Variants in AMOTL1 observed in about 807,000 individuals in gnomAD.
The protein encoded by AMOTL1 is angiomotin like 1.
A neutral mutation model predicts 102.9 loss-of-function variants in AMOTL1; 45 were observed. The observed-to-expected ratio is 0.44, with a 90% confidence interval of 0.34 to 0.56. The LOEUF is 0.56. Ranked by LOEUF, AMOTL1 falls within the 20% of genes least tolerant of loss-of-function variation. The pLI, the probability that AMOTL1 is intolerant of heterozygous loss-of-function variation, is 0.01. For synonymous variants in AMOTL1, 481 were observed against 484.7 expected (o/e 0.99, Z 0.10); for missense variants, 1,114 against 1,225.6 (o/e 0.91, Z 1.36).
intron 3 of AMOTL1, chr11:94,741,115 A>C (rs1302353151): frequency 1.9e-5 from 14 of 740,808 alleles, no homozygotes; most frequent in Admixed American, 4.9e-5. Flanking sequence ...GGAAAGGGTC[A>C]GGGGACACCT....
chr11:94,756,012 G>A (rs1426745413), intron 3 of AMOTL1, among the ~76,000 whole-genome samples: 1 of 152,150 alleles, frequency 6.6e-6, no homozygotes, highest in Admixed American at 6.5e-5. Flanking sequence ...GAATGAGGTG[G>A]ACGGGAAACC....
chr11:94,830,097 C>G lies in AMOTL1; in HGVS notation c.1461C>G (p.Val487=), dbSNP rs1435557052. 2 of 1,609,244 alleles carry G rather than the reference C, an allele frequency of 1.2e-6. No individual in the cohort carries two copies. Among genetic ancestry groups the G allele is most frequent in the Non-Finnish European group, 1.7e-6 (2 of 1,177,794 alleles). The part of the protein sequence containing the change: ...QRISEAYESL[V]KSTTKRESLD... ...TTTCGGAAGCCTATGAAAGTCTGGT[C>G]AAGTCTACCACCAAGCGAGAATCGC... The change falls in exon 5 of 13, where the codon GTC becomes GTG. Residue 487 remains valine (V), a synonymous_variant. Transcript: ENST00000433060.
intron 3 of AMOTL1, among the ~76,000 whole-genome samples, chr11:94,812,395 T>G (rs1951698180): frequency 6.6e-6 from 1 of 152,208 alleles, no homozygotes; most frequent in Non-Finnish European, 1.5e-5. Flanking sequence ...TTGCATTATT[T>G]AGAGTCTCTG....
intron 2 of AMOTL1, among the ~76,000 whole-genome samples, chr11:94,734,177 C>T (rs1950400603): frequency 6.6e-6 from 1 of 152,128 alleles, no homozygotes; most frequent in Admixed American, 6.6e-5. Flanking sequence ...ATCTCTTGGT[C>T]GCTGGCCTTG....
intron 6 of AMOTL1, among the ~76,000 whole-genome samples, chr11:94,840,386 T>C (rs1237277496): frequency 6.6e-6 from 1 of 152,036 alleles, no homozygotes; most frequent in African/African-American, 2.4e-5. Flanking sequence ...TAATTTTCTT[T>C]TTGCTTACAA....
intron 1 of AMOTL1, among the ~76,000 whole-genome samples, chr11:94,709,399 A>G (rs920977443): frequency 7.2e-5 from 11 of 152,290 alleles, no homozygotes; most frequent in South Asian, 2.1e-4. Flanking sequence ...GTGTTTGCCA[A>G]TTTTCATGGT....
At chr11:94,748,459 A>T (rs574625314) in intron 3 of AMOTL1, among the ~76,000 whole-genome samples, 4 of 152,270 alleles carry the variant, frequency 2.6e-5, no homozygotes, top group African/African-American at 9.6e-5. Flanking sequence ...CTGGGTGGGG[A>T]TAGGATGGAG....
intron 6 of AMOTL1, among the ~76,000 whole-genome samples, chr11:94,849,825 G>A (rs970587758): frequency 6.6e-6 from 1 of 152,196 alleles, no homozygotes; most frequent in Non-Finnish European, 1.5e-5. Flanking sequence ...TTGATTTGAA[G>A]TATGAAAGTC....
intron 3 of AMOTL1, among the ~76,000 whole-genome samples, chr11:94,807,119 A>G (rs540137464): frequency 1.4e-4 from 21 of 152,358 alleles, no homozygotes; most frequent in African/African-American, 4.8e-4. Flanking sequence ...TCATTGCACA[A>G]AATTTAGAAA....
At chr11:94,752,293 C>T (rs1243848743) in intron 3 of AMOTL1, among the ~76,000 whole-genome samples, 3 of 152,130 alleles carry the variant, frequency 2.0e-5, no homozygotes, top group Non-Finnish European at 4.4e-5. Flanking sequence ...CTTGCTCCCT[C>T]CTCCTTTTTC....
intron 2 of AMOTL1, among the ~76,000 whole-genome samples, chr11:94,739,353 G>A (rs1950484809): frequency 1.3e-5 from 2 of 152,162 alleles, no homozygotes; most frequent in Non-Finnish European, 1.5e-5. Context: ...ATAAGAAGCA[G>A]GAAAAAGAAG....
intron 1 of AMOTL1, among the ~76,000 whole-genome samples, chr11:94,709,395 G>T (rs138968431): frequency 1.1e-3 from 167 of 152,136 alleles, no homozygotes; most frequent in African/African-American, 3.9e-3. Flanking sequence ...TGCAGTGTTT[G>T]CCAATTTTCA....
At chr11:94,866,605 G>C (rs1028603353) in intron 11 of AMOTL1, 12 of 191,808 alleles carry the variant, frequency 6.3e-5, no homozygotes, top group East Asian at 1.3e-4. Flanking sequence ...TGGGATAATG[G>C]GGGGAGGAGA....
Position 94,866,184 on chromosome 11 carries a change from CTGTCAGA to C in AMOTL1, c.2488+17_2488+23del. Reference sequence around the variant, plus strand: ...GGGAGCATAGGTGAGCCCCACACCTCTGTCAGACCATGATTGGAAAAGCAAGACCAGA... The same window carrying C: ...GGGAGCATAGGTGAGCCCCACACCTCCCATGATTGGAAAAGCAAGACCAGA... On this transcript the variant is annotated intron_variant, in intron 11 of 12. Coordinates refer to ENST00000433060, the MANE Select transcript of AMOTL1 (RefSeq NM_130847.3). 1 of 1,610,200 alleles carries C rather than the reference CTGTCAGA, an allele frequency of 6.2e-7. No homozygotes were observed.
chr11:94,819,730 A>G (rs968758115), intron 3 of AMOTL1, among the ~76,000 whole-genome samples: 2 of 152,230 alleles, frequency 1.3e-5, no homozygotes, highest in Non-Finnish European at 2.9e-5. Context: ...AGATGTGGTC[A>G]TGACCTCCTG....
chr11:94,787,560 C>T (rs576505698), intron 1 of AMOTL1, among the ~76,000 whole-genome samples: 15 of 151,004 alleles, frequency 9.9e-5, no homozygotes, highest in Admixed American at 5.3e-4. Flanking sequence ...TGGTGGCGCG[C>T]GCCTGTAGTC....
intron 3 of AMOTL1, among the ~76,000 whole-genome samples, chr11:94,800,774 G>A (rs1951462779): frequency 1.3e-5 from 2 of 152,208 alleles, no homozygotes; most frequent in Non-Finnish European, 2.9e-5. Context: ...TCACTCAACA[G>A]ATGAGAAACT....
chr11:94,834,933 C>G (rs368179944), intron 6 of AMOTL1, among the ~76,000 whole-genome samples: 2 of 152,094 alleles, frequency 1.3e-5, no homozygotes, highest in South Asian at 4.1e-4. Context: ...TTATGAAGGC[C>G]TTGGTGGACT....
At chr11:94,840,942 T>C (rs2135687954) in intron 6 of AMOTL1, among the ~76,000 whole-genome samples, 1 of 152,174 alleles carries the variant, frequency 6.6e-6, no homozygotes, top group East Asian at 1.9e-4. Context: ...ATATAGCTAG[T>C]ATGGCTTCTC....
Sources: gnomAD v4.1 joint callset for allele counts (sites outside exome capture counted in the v4.1 genomes callset) on GRCh38, gnomAD v4.1.1 for gene constraint, MANE v1.5 for transcripts, NCBI Gene and HGNC (gene_info 2026-07-23, HGNC 2026-07-21) for gene names.